SLC22A3: variants seen among roughly 807,000 people sequenced by gnomAD.
SLC22A3 encodes solute carrier family 22 member 3, also known as EMT organic cation transporter 3.
A neutral mutation model predicts 59.1 loss-of-function variants in SLC22A3; 51 were observed. The ratio of observed to expected loss-of-function variants is 0.86; its 90% CI spans 0.69 to 1.09. The LOEUF (loss-of-function observed/expected upper bound fraction) is 1.09. Among genes scored for constraint, SLC22A3 ranks in the 50% least tolerant of loss-of-function variants. The pLI is 0.00. For synonymous variants in SLC22A3, 325 were observed against 292.0 expected (o/e 1.11, Z -1.15); for missense variants, 711 against 726.3 (o/e 0.98, Z 0.24).
intron 1 of SLC22A3, among the ~76,000 whole-genome samples, chr6:160,376,804 T>TC (rs1435815779): frequency 6.6e-6 from 1 of 152,224 alleles, no homozygotes; most frequent in African/African-American, 2.4e-5. Flanking sequence ...TTTTAATAAC[T>TC]CCAAGTAACC....
Position 160,437,126 on chromosome 6 carries a change from T to C in SLC22A3, c.1203T>C (p.Ile401=). Residue 401 remains isoleucine (I), a synonymous_variant, in exon 7 of 11, where the codon ATT becomes ATC. Transcript: ENST00000275300. ...LPGALLILLT[I]ERLGRRLPFA... Reference sequence around the variant, plus strand: ...GAGCTCTCTTGATCTTACTAACCATTGAGCGCCTTGGACGACGCCTCCCCT... The same window carrying C: ...GAGCTCTCTTGATCTTACTAACCATCGAGCGCCTTGGACGACGCCTCCCCT... The C allele has an allele frequency of 6.8e-6, 11 of 1,614,182 alleles. No homozygotes were observed. Among genetic ancestry groups the C allele is most frequent in the Non-Finnish European group, 9.3e-6 (11 of 1,180,004 alleles).
At position 160,436,853 on chromosome 6, in the gene SLC22A3, G is replaced by A. The variant is rs1161005245; in HGVS notation, c.1049G>A (p.Cys350Tyr). 1 of 1,613,830 alleles carries A rather than the reference G, an allele frequency of 6.2e-7. No individual in the cohort carries two copies. Among genetic ancestry groups the A allele is most frequent in the Admixed American group, 1.7e-5 (1 of 60,008 alleles). Residue 350 changes from cysteine (C) to tyrosine (Y), a missense_variant, in exon 6 of 11, where the codon TGC becomes TAC. Physicochemically the swap from Cys to Tyr is radical, Grantham distance 194. Transcript: ENST00000275300. The stretch of plus-strand genomic sequence containing the variant: ...GTGAGAACTCCCCAAATGAGGAAAT[G>A]CACACTTATTCTTATGTTTGCTTGG... ...DLVRTPQMRK[C>Y]TLILMFAWFT...
intron 7 of SLC22A3, among the ~76,000 whole-genome samples, chr6:160,442,199 A>T (rs1788567341): frequency 6.6e-6 from 1 of 152,212 alleles, no homozygotes; most frequent in African/African-American, 2.4e-5. Flanking sequence ...AATGAGTGAC[A>T]TTTGCCTTAG....
At chr6:160,407,285 T>C (rs928341624) in intron 3 of SLC22A3, 90 bp downstream of exon 3, 4 of 1,358,826 alleles carry the variant, frequency 2.9e-6, no homozygotes, top group Admixed American at 4.6e-5. Flanking sequence ...CTTCCTCATG[T>C]GTCCTTTAAC....
chr6:160,440,017 C>A (rs1490289124), intron 7 of SLC22A3, among the ~76,000 whole-genome samples: 1 of 151,946 alleles, frequency 6.6e-6, no homozygotes, highest in Non-Finnish European at 1.5e-5. Context: ...CTAAAATAGT[C>A]TCACAGCAAA....
chr6:160,379,831 C>G (rs1244258950), intron 1 of SLC22A3, among the ~76,000 whole-genome samples: 1 of 152,206 alleles, frequency 6.6e-6, no homozygotes, highest in Non-Finnish European at 1.5e-5. Context: ...TTTCTCCCAT[C>G]ATTGAATCTG....
chr6:160,423,208 C>A (rs1396502616), intron 5 of SLC22A3, among the ~76,000 whole-genome samples: 1 of 152,192 alleles, frequency 6.6e-6, no homozygotes, highest in Admixed American at 6.5e-5. Context: ...ACATGTGCCA[C>A]ATTTTCTTAA....
chr6:160,354,293 G>A (rs549092573), intron 1 of SLC22A3, among the ~76,000 whole-genome samples: 1 of 152,358 alleles, frequency 6.6e-6, no homozygotes, highest in Non-Finnish European at 1.5e-5. Flanking sequence ...CTGAGCCTCA[G>A]TTTCCTCAGC....
intron 5 of SLC22A3, among the ~76,000 whole-genome samples, chr6:160,414,391 A>AT (rs1346379194): frequency 2.0e-5 from 3 of 152,150 alleles, no homozygotes; most frequent in Admixed American, 6.5e-5. Context: ...CATATGCATC[A>AT]TTTTTTCTTT....
intron 1 of SLC22A3, among the ~76,000 whole-genome samples, chr6:160,373,134 C>G (rs369067): frequency 6.6e-6 from 1 of 152,152 alleles, no homozygotes; most frequent in Admixed American, 6.5e-5. Context: ...TCCTCATCTT[C>G]GTGGATTTAT....
intron 1 of SLC22A3, among the ~76,000 whole-genome samples, chr6:160,377,197 A>G (rs1785627030): frequency 6.6e-6 from 1 of 152,166 alleles, no homozygotes; most frequent in South Asian, 2.1e-4. Flanking sequence ...TGAAACAGGG[A>G]AATGTGGGCT....
At chr6:160,356,502 T>A (rs1202337972) in intron 1 of SLC22A3, among the ~76,000 whole-genome samples, 1 of 152,166 alleles carries the variant, frequency 6.6e-6, no homozygotes, top group East Asian at 1.9e-4. Flanking sequence ...GTAGTCTGTG[T>A]CATCAATCGA....
rs1788953037 is a variant in SLC22A3, at chr6:160,451,264, TA to T, written c.*210del. 1 of 566,592 alleles carries T rather than the reference TA, an allele frequency of 1.8e-6. No homozygotes were observed. The highest frequency in any genetic ancestry group is 3.2e-6 in the Non-Finnish European group (1 of 316,712). 35.1% of individuals were successfully genotyped at this position (566,592 alleles called of 1,614,324 possible). A position where few individuals can be genotyped will look rare whatever the true frequency, so the allele number is the denominator to read the frequency against. ...TGCTGTTGAAGTTTCTGGGAACACA[TA>T]ATATGTAGCCAGTTTAACAAAGAAG... On this transcript the variant is annotated 3_prime_UTR_variant, in exon 11 of 11. Transcript: ENST00000275300.
At chr6:160,417,645 G>A (rs116798419) in intron 5 of SLC22A3, among the ~76,000 whole-genome samples, 208 of 152,292 alleles carry the variant, frequency 1.4e-3, no homozygotes, top group African/African-American at 4.8e-3. Context: ...TAAATGTTGG[G>A]CATGGCAATG....
chr6:160,374,766 C>T (rs2114781410), intron 1 of SLC22A3, among the ~76,000 whole-genome samples: 1 of 152,246 alleles, frequency 6.6e-6, no homozygotes, highest in Middle Eastern at 3.4e-3. Flanking sequence ...CAAGAAGGGC[C>T]ACAGGAAAGA....
At chr6:160,354,771 C>T (rs759659447) in intron 1 of SLC22A3, among the ~76,000 whole-genome samples, 165 of 152,144 alleles carry the variant, frequency 1.1e-3, no homozygotes, top group Non-Finnish European at 1.7e-3. Flanking sequence ...GAGGAAGACC[C>T]TGTCTCTAAA....
intron 5 of SLC22A3, among the ~76,000 whole-genome samples, chr6:160,424,348 T>C (rs1385505314): frequency 1.3e-5 from 2 of 152,250 alleles, no homozygotes; most frequent in African/African-American, 4.8e-5. Context: ...TATTAAATCA[T>C]AGTAAATTTG....
intron 2 of SLC22A3, 128 bp downstream of exon 2, chr6:160,398,210 C>A: frequency 1.5e-6 from 1 of 676,470 alleles, no homozygotes. Context: ...TTGATTCCAT[C>A]ATTCATGACA....
chr6:160,401,626 T>C (rs1786785570), intron 2 of SLC22A3, among the ~76,000 whole-genome samples: 10 of 152,010 alleles, frequency 6.6e-5, no homozygotes, highest in Admixed American at 6.6e-4. Flanking sequence ...CAATTGAGAA[T>C]ATGTTTCTTA....
Sources: gnomAD v4.1 joint callset for allele counts (sites outside exome capture counted in the v4.1 genomes callset) on GRCh38, gnomAD v4.1.1 for gene constraint, MANE v1.5 for transcripts, NCBI Gene and HGNC (gene_info 2026-07-23, HGNC 2026-07-21) for gene names.